The following EXT1 variants were observed in gnomAD, a reference collection of about 807,000 sequenced individuals.
The protein encoded by EXT1 is exostosin-1.
A neutral mutation model predicts 82.5 loss-of-function variants in EXT1; 20 were observed. The ratio of observed to expected loss-of-function variants is 0.24; its 90% CI spans 0.17 to 0.35. The LOEUF is 0.35. Among genes scored for constraint, EXT1 ranks in the 10% least tolerant of loss-of-function variants. The probability of loss-of-function intolerance (pLI) is 1.00; values close to 1 mark genes in which losing one functional copy is unlikely to be tolerated. For missense variants in EXT1, 757 were observed against 936.5 expected, an observed-to-expected ratio of 0.81 and a Z score of 2.50; for synonymous variants, 348 against 350.8, an observed-to-expected ratio of 0.99 and a Z score of 0.09.
At chr8:118,093,045 A>G (rs1202873753) in intron 1 of EXT1, among the ~76,000 whole-genome samples, 4 of 152,174 alleles carry the variant, frequency 2.6e-5, no homozygotes, top group Non-Finnish European at 5.9e-5. Flanking sequence ...AAAGGAGTTC[A>G]TTGGAAATGC....
chr8:118,041,511 C>T (rs1015595400), intron 1 of EXT1, among the ~76,000 whole-genome samples: 4 of 152,024 alleles, frequency 2.6e-5, no homozygotes, highest in Non-Finnish European at 4.4e-5. Context: ...AAGTCTATAC[C>T]GAGTATTACA....
chr8:118,104,152 A>G (rs1022029155), intron 1 of EXT1, among the ~76,000 whole-genome samples: 1 of 152,262 alleles, frequency 6.6e-6, no homozygotes, highest in Non-Finnish European at 1.5e-5. Flanking sequence ...AAATGGGGAT[A>G]TAACCTAACT....
intron 1 of EXT1, among the ~76,000 whole-genome samples, chr8:117,981,251 A>T (rs183674497): frequency 2.0e-5 from 3 of 152,294 alleles, no homozygotes; most frequent in Non-Finnish European, 2.9e-5. Context: ...ATCAATGCCA[A>T]CTCTACTAAT....
intron 1 of EXT1, among the ~76,000 whole-genome samples, chr8:117,855,712 T>C (rs1400609189): frequency 6.6e-6 from 1 of 152,204 alleles, no homozygotes; most frequent in Non-Finnish European, 1.5e-5. Flanking sequence ...ACTGTCACCC[T>C]GGCTGGAGGG....
At chr8:117,893,681 C>A (rs779335537) in intron 1 of EXT1, among the ~76,000 whole-genome samples, 1 of 152,200 alleles carries the variant, frequency 6.6e-6, no homozygotes, top group Admixed American at 6.5e-5. Context: ...GGACTAACCA[C>A]GCTTTGAGCA....
At chr8:117,835,940 C>T (rs1282266563) in intron 2 of EXT1, among the ~76,000 whole-genome samples, 1 of 152,176 alleles carries the variant, frequency 6.6e-6, no homozygotes, top group Non-Finnish European at 1.5e-5. Context: ...ACGTAACTCC[C>T]ACAAGTCCAC....
chr8:117,927,301 T>G (rs2031267038), intron 1 of EXT1, among the ~76,000 whole-genome samples: 1 of 147,584 alleles, frequency 6.8e-6, no homozygotes, highest in African/African-American at 2.5e-5. Context: ...TTAGTCTTTT[T>G]ACACTGCATA....
intron 1 of EXT1, among the ~76,000 whole-genome samples, chr8:118,047,529 A>G (rs1161365725): frequency 6.6e-6 from 1 of 152,142 alleles, no homozygotes; most frequent in Non-Finnish European, 1.5e-5. Flanking sequence ...TCCCAAGCTA[A>G]GGACTAAATA....
In EXT1 at chr8:117,818,542, G is replaced by T; in HGVS notation, c.1537-12C>A. The T allele has an allele frequency of 6.2e-7, 1 of 1,606,860 alleles. No homozygotes were observed. The highest frequency in any genetic ancestry group is 8.5e-7 in the Non-Finnish European group (1 of 1,173,448). The stretch of plus-strand genomic sequence containing the variant: ...CATAGAACTATGATCTGAAAGGGAT[G>T]GGGCTCATTAGATGGCTGGGGTAGG... On this transcript the variant is annotated splice_polypyrimidine_tract_variant and intron_variant, in intron 6 of 10. Transcript: ENST00000378204.
At chr8:118,018,320 G>A (rs1021765495) in intron 1 of EXT1, among the ~76,000 whole-genome samples, 2 of 152,100 alleles carry the variant, frequency 1.3e-5, no homozygotes, top group African/African-American at 4.8e-5. Flanking sequence ...ACACACACAT[G>A]TATGCACATA....
At chr8:118,087,344 A>G (rs1163322105) in intron 1 of EXT1, among the ~76,000 whole-genome samples, 2 of 152,216 alleles carry the variant, frequency 1.3e-5, no homozygotes, top group African/African-American at 4.8e-5. Context: ...CTAAAACTAA[A>G]ACTAAAACCT....
intron 10 of EXT1, among the ~76,000 whole-genome samples, chr8:117,800,542 A>G (rs755785013): frequency 6.6e-6 from 1 of 152,216 alleles, no homozygotes; most frequent in Non-Finnish European, 1.5e-5. Context: ...ACGTGACTCC[A>G]TGAGGATGAG....
intron 1 of EXT1, among the ~76,000 whole-genome samples, chr8:117,995,343 G>A (rs1022278215): frequency 3.9e-5 from 6 of 152,214 alleles, no homozygotes; most frequent in African/African-American, 1.4e-4. Context: ...AGCATGGTAT[G>A]AGGATTCTCT....
intron 1 of EXT1, among the ~76,000 whole-genome samples, chr8:117,920,662 C>T (rs1813838305): frequency 6.6e-6 from 1 of 152,208 alleles, no homozygotes; most frequent in Non-Finnish European, 1.5e-5. Flanking sequence ...ACCAATACGC[C>T]TTACAGTCGC....
chr8:117,880,155 C>T (rs986074904), intron 1 of EXT1, among the ~76,000 whole-genome samples: 3 of 152,144 alleles, frequency 2.0e-5, no homozygotes, highest in Admixed American at 1.3e-4. Flanking sequence ...GGCATGTATT[C>T]GGCCATTCAT....
At chr8:117,802,268 T>C (rs943486141) in intron 10 of EXT1, among the ~76,000 whole-genome samples, 2 of 152,206 alleles carry the variant, frequency 1.3e-5, no homozygotes, top group African/African-American at 4.8e-5. Flanking sequence ...AGGCCTTGTA[T>C]GACTAGAATT....
intron 4 of EXT1, among the ~76,000 whole-genome samples, chr8:117,829,906 T>C (rs1437415641): frequency 1.3e-5 from 2 of 152,090 alleles, no homozygotes; most frequent in African/African-American, 2.4e-5. Flanking sequence ...TCCAGAAATA[T>C]GTCTTCGAAG....
In EXT1 at chr8:118,059,685, G is replaced by A. The variant is rs533378471; in HGVS notation, c.962+50400C>T. ...GCCCAACCCTACGCAAGAACTTCTG[G>A]TGAAACTTTCTCTAATCCTCTCACT... On this transcript the variant is annotated intron_variant, in intron 1 of 10. Coordinates refer to ENST00000378204, the MANE Select transcript of EXT1 (RefSeq NM_000127.3). Among the ~76,000 whole-genome samples the A allele has an allele frequency of 2.4e-4, 37 of 152,306 alleles. No homozygotes were observed. The South Asian group carries it at 7.5e-3, about 31-fold the overall frequency.
intron 10 of EXT1, among the ~76,000 whole-genome samples, chr8:117,803,849 T>C (rs558564964): frequency 3.7e-4 from 57 of 152,326 alleles, no homozygotes; most frequent in African/African-American, 1.4e-3. Flanking sequence ...GTAAGGTAGA[T>C]TTCACCATTT....
Sources: gnomAD v4.1 joint callset for allele counts (sites outside exome capture counted in the v4.1 genomes callset) on GRCh38, gnomAD v4.1.1 for gene constraint, MANE v1.5 for transcripts, NCBI Gene and HGNC (gene_info 2026-07-23, HGNC 2026-07-21) for gene names.